SLC35D4: variants seen among roughly 807,000 people sequenced by gnomAD.
SLC35D4 encodes the protein solute carrier family 35 member D4.
chr18:23,243,012 A>T, the SLC35D4 span, among the ~76,000 whole-genome samples: 1 of 150,906 alleles, frequency 6.6e-6, no homozygotes, highest in Non-Finnish European at 1.5e-5. Context: ...ATACAGTATA[A>T]ATATATATTT....
the SLC35D4 span, among the ~76,000 whole-genome samples, chr18:23,241,846 C>A: frequency 2.0e-5 from 3 of 152,176 alleles, no homozygotes; most frequent in African/African-American, 7.2e-5. Flanking sequence ...AGAGGTGAAG[C>A]CTGTCATTTA....
chr18:23,255,242 C>T, the SLC35D4 span, among the ~76,000 whole-genome samples: 530 of 152,122 alleles, frequency 3.5e-3, 4 homozygotes, highest in African/African-American at 0.012. Flanking sequence ...GAAGGGCAGT[C>T]CCTCTAGAGT....
At chr18:23,376,179 C>T in the SLC35D4 span, among the ~76,000 whole-genome samples, 1 of 152,230 alleles carries the variant, frequency 6.6e-6, no homozygotes, top group Non-Finnish European at 1.5e-5. Flanking sequence ...CTGTATTCTA[C>T]ATAGAGACTA....
chr18:23,342,038 T>C, the SLC35D4 span, among the ~76,000 whole-genome samples: 1 of 152,228 alleles, frequency 6.6e-6, no homozygotes, highest in Non-Finnish European at 1.5e-5. Flanking sequence ...ATTTAAGCAC[T>C]ATGCTTTGAG....
At chr18:23,310,115 C>T in the SLC35D4 span, 82 of 655,682 alleles carry the variant, frequency 1.3e-4, no homozygotes, top group African/African-American at 1.8e-4. Context: ...GTGCAGAACT[C>T]GTCTCCAAGG....
the SLC35D4 span, among the ~76,000 whole-genome samples, chr18:23,316,469 G>A: frequency 5.9e-5 from 9 of 151,946 alleles, no homozygotes; most frequent in East Asian, 1.9e-4. Context: ...TCAATTAACC[G>A]TTATTACCCA....
chr18:23,264,524 G>A, the SLC35D4 span, among the ~76,000 whole-genome samples: 2 of 151,836 alleles, frequency 1.3e-5, no homozygotes, highest in African/African-American at 2.4e-5. Context: ...CACTACGCCC[G>A]GCTAATTTTT....
At chr18:23,277,963 G>T in the SLC35D4 span, among the ~76,000 whole-genome samples, 1 of 152,122 alleles carries the variant, frequency 6.6e-6, no homozygotes, top group African/African-American at 2.4e-5. Context: ...CACTTCTTAA[G>T]GTCTAGACTC....
the SLC35D4 span, among the ~76,000 whole-genome samples, chr18:23,391,572 C>G: frequency 6.6e-6 from 1 of 152,200 alleles, no homozygotes; most frequent in Non-Finnish European, 1.5e-5. Context: ...ACTGCAGACT[C>G]AAACTCCTGG....
At chr18:23,321,570 T>G in the SLC35D4 span, among the ~76,000 whole-genome samples, 6 of 152,136 alleles carry the variant, frequency 3.9e-5, no homozygotes, top group African/African-American at 7.2e-5. Context: ...ATTCTCCGTC[T>G]CAGCCTCCTG....
At chr18:23,273,336 G>A in the SLC35D4 span, among the ~76,000 whole-genome samples, 1 of 152,220 alleles carries the variant, frequency 6.6e-6, no homozygotes, top group African/African-American at 2.4e-5. Context: ...GCGTAAATGT[G>A]GGCAGGTGTG....
chr18:23,278,452 A>G, the SLC35D4 span, among the ~76,000 whole-genome samples: 19 of 152,242 alleles, frequency 1.2e-4, no homozygotes, highest in Non-Finnish European at 4.4e-5. Flanking sequence ...CACCAGGAGC[A>G]GAATAGCAAT....
chr18:23,309,171 G>T, the SLC35D4 span, among the ~76,000 whole-genome samples: 1 of 150,062 alleles, frequency 6.7e-6, no homozygotes, highest in Non-Finnish European at 1.5e-5. Flanking sequence ...AAACTGCATT[G>T]TTGACCCACA....
At chr18:23,279,349 A>T in the SLC35D4 span, among the ~76,000 whole-genome samples, 1 of 152,240 alleles carries the variant, frequency 6.6e-6, no homozygotes, top group Non-Finnish European at 1.5e-5. Context: ...TTGTTCATAT[A>T]AACAGCATGG....
At chr18:23,388,722 T>A in the SLC35D4 span, among the ~76,000 whole-genome samples, 3 of 152,274 alleles carry the variant, frequency 2.0e-5, no homozygotes, top group Admixed American at 6.5e-5. Context: ...AAAGAACAGG[T>A]GGGAGATGAT....
At chr18:23,339,169 G>T in the SLC35D4 span, among the ~76,000 whole-genome samples, 1 of 152,224 alleles carries the variant, frequency 6.6e-6, no homozygotes, top group Non-Finnish European at 1.5e-5. Flanking sequence ...GGGATTACAG[G>T]CATGAGCCAC....
chr18:23,392,654 C>G, the SLC35D4 span, among the ~76,000 whole-genome samples: 1 of 152,216 alleles, frequency 6.6e-6, no homozygotes, highest in Non-Finnish European at 1.5e-5. Flanking sequence ...GCCAGGGAAT[C>G]AGAGAAGGCC....
chr18:23,239,585 G>C, the SLC35D4 span, among the ~76,000 whole-genome samples: 1 of 152,220 alleles, frequency 6.6e-6, no homozygotes, highest in African/African-American at 2.4e-5. Context: ...GGGGCAGTTG[G>C]GGGTGGGGGC....
At chr18:23,413,376 C>G in the SLC35D4 span, among the ~76,000 whole-genome samples, 1 of 152,164 alleles carries the variant, frequency 6.6e-6, no homozygotes, top group Admixed American at 6.6e-5. Flanking sequence ...TTCAAAGAAA[C>G]CAGTCTACAG....
Sources: allele counts gnomAD v4.1 joint callset (sites outside exome capture counted in the v4.1 genomes callset), GRCh38; gene constraint gnomAD v4.1.1; transcripts MANE v1.5; gene names NCBI Gene and HGNC (gene_info 2026-07-23, HGNC 2026-07-21).